The following SCRN3 variants were observed in gnomAD, a reference collection of about 807,000 sequenced individuals.
The protein encoded by SCRN3 is secernin 3, also known as secernin-3.
SCRN3 carries 39 observed loss-of-function variants against 43.1 expected under a neutral mutation model. That is an observed-to-expected ratio of 0.91 (90% CI 0.70 to 1.18). The LOEUF (loss-of-function observed/expected upper bound fraction) is 1.18. SCRN3 is among the 50% of genes most tolerant of loss of function. The pLI is 0.00. For synonymous variants in SCRN3, 147 were observed against 163.1 expected (o/e 0.90, Z 0.75); for missense variants, 484 against 498.0 (o/e 0.97, Z 0.27).
rs73975121 is a variant in SCRN3 at position 174,397,026 on chromosome 2, A to G, written c.-10+1209A>G. 2,092 of 953,776 alleles carry G rather than the reference A, an allele frequency of 2.2e-3. 43 individuals carry two copies. The African/African-American group carries it at 0.034, about 16-fold the overall frequency. The allele number at this position is 953,776 out of a possible 1,614,324, so 59.1% of individuals were successfully genotyped here. On this transcript the variant is annotated intron_variant, in intron 1 of 7. Coordinates refer to ENST00000272732, the MANE Select transcript of SCRN3 (RefSeq NM_024583.5). ...AGATTAAATAGTCTGCCAAAGTTAT[A>G]TAGTGATAGAACTAACTATAAAACA...
rs539639008 is a variant in SCRN3 at position 174,425,826 on chromosome 2, A to G, written c.1092+1177A>G. ...CTGGGTTCTGGTCCTGGCTCTGTAA[A>G]TAACTACTTTTGTGTGTTAGGGAGA... On this transcript the variant is annotated intron_variant, in intron 7 of 7. Transcript: ENST00000272732. Among the ~76,000 whole-genome samples the G allele has an allele frequency of 5.9e-5, 9 of 152,280 alleles. No individual in the cohort carries two copies. The South Asian group carries it at 1.9e-3, about 32-fold the overall frequency.
rs1686585533 is a variant in SCRN3 at position 174,429,298 on chromosome 2, C to T, written c.*1403C>T. 6.6e-6 allele frequency: 1 copy of T among 152,132 alleles called. No homozygotes were observed. The highest frequency in any genetic ancestry group is 6.6e-5 in the Admixed American group (1 of 15,262). The allele number at this position is 152,132 out of a possible 1,614,324, so 9.4% of individuals were successfully genotyped here. A position where few individuals can be genotyped will look rare whatever the true frequency, so the allele number is the denominator to read the frequency against. ...ATGTTTTCACCTTCTCCTTTGCTGC[C>T]ACCTTGGCCTAAACTAGCACCGTCT... On this transcript the variant is annotated 3_prime_UTR_variant, in exon 8 of 8. Coordinates refer to ENST00000272732, the MANE Select transcript of SCRN3 (RefSeq NM_024583.5).
At chr2:174,420,291 C>T (rs1361114413) in intron 5 of SCRN3, among the ~76,000 whole-genome samples, 1 of 152,070 alleles carries the variant, frequency 6.6e-6, no homozygotes, top group African/African-American at 2.4e-5. Context: ...AAATGCTACT[C>T]CTTAGGAAGA....
At chr2:174,401,242 C>G in intron 4 of SCRN3, 53 bp downstream of exon 4, 2 of 1,349,994 alleles carry the variant, frequency 1.5e-6, no homozygotes, top group Non-Finnish European at 2.1e-6. Flanking sequence ...TAAAATACAC[C>G]CTTACCTATA....
rs1157456541 is a variant in SCRN3, at chr2:174,404,725, C to T, written c.754+410C>T. Among the ~76,000 whole-genome samples the T allele has an allele frequency of 5.5e-3, 675 of 122,768 alleles. 2 individuals carry two copies. The highest frequency in any genetic ancestry group is 0.02 in the African/African-American group (642 of 32,710). 80.5% of individuals were successfully genotyped at this position (122,768 alleles called of 152,430 possible). A position where few individuals can be genotyped will look rare whatever the true frequency, so the allele number is the denominator to read the frequency against. On this transcript the variant is annotated intron_variant, in intron 5 of 7. Coordinates refer to ENST00000272732, the MANE Select transcript of SCRN3 (RefSeq NM_024583.5). ...TGCGGTGTTTGGTTTTTTGTTCTTG[C>T]GATAGTTTACTGAGAATGATGATTT...
chr2:174,400,020 T>C lies in SCRN3; in HGVS notation c.258T>C (p.His86=). The change falls in exon 3 of 8, where the codon CAT becomes CAC. Residue 86 remains histidine, a synonymous_variant. Coordinates refer to ENST00000272732, the MANE Select transcript of SCRN3 (RefSeq NM_024583.5). ...GGGCAGAAATGGGAGCCAATGAGCA[T>C]GGAGTTTGCATTGGGAATGAAGCTG... The part of the protein sequence containing the change: ...LWGAEMGANE[H]GVCIGNEAVW... 1 of 1,601,238 alleles carries C rather than the reference T, an allele frequency of 6.2e-7. No individual in the cohort carries two copies. Among genetic ancestry groups the C allele is most frequent in the Non-Finnish European group, 8.5e-7 (1 of 1,175,072 alleles).
At chr2:174,427,575 G>C (rs147309323) in intron 7 of SCRN3, 138 bp from the exon 8 acceptor site, 199 of 446,888 alleles carry the variant, frequency 4.5e-4, no homozygotes, top group African/African-American at 3.6e-3. Flanking sequence ...CATTCTTTCT[G>C]TCTCTAAAGA....
chr2:174,403,977 C>G (rs1369895857), intron 4 of SCRN3, 126 bp from the exon 5 acceptor site: 2 of 631,792 alleles, frequency 3.2e-6, no homozygotes, highest in Non-Finnish European at 5.4e-6. Flanking sequence ...AATAGATGCC[C>G]ATGGCACAAA....
chr2:174,404,141 A>G lies in SCRN3; in HGVS notation c.580A>G (p.Thr194Ala). 6.2e-7 allele frequency: 1 copy of G among 1,613,760 alleles called. No homozygotes were observed. Among genetic ancestry groups the G allele is most frequent in the Non-Finnish European group, 8.5e-7 (1 of 1,179,802 alleles). Reference sequence around the variant, plus strand: ...TATTTCTAATCAACTTTCCATAACAACCAAGATTGCCCGGGAACACCCAGA... The same window carrying G: ...TATTTCTAATCAACTTTCCATAACAGCCAAGATTGCCCGGGAACACCCAGA... ...RNISNQLSITTKIAREHPDMR... is the reference protein window; with the variant it reads ...RNISNQLSITAKIAREHPDMR... Residue 194 changes from threonine (T) to alanine (A), a missense_variant, in exon 5 of 8, where the codon ACC becomes GCC. Transcript: ENST00000272732.
In SCRN3 at chr2:174,412,568, T is replaced by G. The variant is rs1685958345; in HGVS notation, c.754+8253T>G. Among the ~76,000 whole-genome samples, 2 of 152,182 alleles carry G rather than the reference T, an allele frequency of 1.3e-5. 1 individual carries two copies. Among genetic ancestry groups the G allele is most frequent in the Non-Finnish European group, 2.9e-5 (2 of 68,040 alleles). The stretch of plus-strand genomic sequence containing the variant: ...GCTTTTTGCCCTCTCTCTGTTTTCC[T>G]GCCTCTTGGCTTCAGAGGCAGACCC... On this transcript the variant is annotated intron_variant, in intron 5 of 7. Coordinates refer to ENST00000272732, the MANE Select transcript of SCRN3 (RefSeq NM_024583.5).
In SCRN3 at chr2:174,428,876, T is replaced by C. The variant is rs936745156; in HGVS notation, c.*981T>C. ...ATTGCAAATATAAACAAAAGAAAAA[T>C]CCAACTGAAAATAACACTAAGTATT... is the stretch of plus-strand genomic sequence containing the variant. On this transcript the variant is annotated 3_prime_UTR_variant, in exon 8 of 8. Transcript: ENST00000272732. The C allele has an allele frequency of 1.9e-4, 29 of 151,996 alleles. No individual in the cohort carries two copies. Among genetic ancestry groups the C allele is most frequent in the African/African-American group, 7.0e-4 (29 of 41,380 alleles). The allele number at this position is 151,996 out of a possible 1,614,324, so 9.4% of individuals were successfully genotyped here.
At chr2:174,426,262 A>G (rs1363765573) in intron 7 of SCRN3, among the ~76,000 whole-genome samples, 2 of 152,178 alleles carry the variant, frequency 1.3e-5, no homozygotes, top group Non-Finnish European at 2.9e-5. Flanking sequence ...TCTGGAATTT[A>G]CTTTTGTGTA....
At chr2:174,413,691 A>G (rs1686009230) in intron 5 of SCRN3, among the ~76,000 whole-genome samples, 1 of 149,950 alleles carries the variant, frequency 6.7e-6, no homozygotes, top group Non-Finnish European at 1.5e-5. Flanking sequence ...CCCGGGTTCA[A>G]GCAATTCTCT....
Position 174,429,117 on chromosome 2 carries a change from C to T in SCRN3, c.*1222C>T, listed in dbSNP as rs1335896473. The stretch of plus-strand genomic sequence containing the variant: ...ATTACAAAAGAAAAGATGTCTGACT[C>T]AAGAACTCAGTTGATTCTGTTTGCC... On this transcript the variant is annotated 3_prime_UTR_variant, in exon 8 of 8. Transcript: ENST00000272732. 6.6e-6 allele frequency: 1 copy of T among 152,214 alleles called. No individual in the cohort carries two copies. Among genetic ancestry groups the T allele is most frequent in the Non-Finnish European group, 1.5e-5 (1 of 68,050 alleles). 9.4% of individuals were successfully genotyped at this position (152,214 alleles called of 1,614,324 possible). A position where few individuals can be genotyped will look rare whatever the true frequency, so the allele number is the denominator to read the frequency against.
At chr2:174,397,865 A>G (rs944832218) in intron 1 of SCRN3, among the ~76,000 whole-genome samples, 6 of 152,364 alleles carry the variant, frequency 3.9e-5, no homozygotes, top group African/African-American at 1.4e-4. Context: ...TATACAGTAG[A>G]AGAAGGTAGT....
At chr2:174,395,890 A>G in intron 1 of SCRN3, 73 bp downstream of exon 1, 11 of 1,437,530 alleles carry the variant, frequency 7.7e-6, no homozygotes, top group African/African-American at 1.4e-5. Context: ...GTGGCGCGGC[A>G]CTGCTTGACC....
intron 7 of SCRN3, among the ~76,000 whole-genome samples, chr2:174,425,593 T>C (rs1574675340): frequency 6.6e-6 from 1 of 152,196 alleles, no homozygotes; most frequent in Non-Finnish European, 1.5e-5. Flanking sequence ...TGCCTTTTTT[T>C]CTCTCACCTA....
intron 4 of SCRN3, among the ~76,000 whole-genome samples, chr2:174,403,620 C>T (rs1011386428): frequency 6.6e-6 from 1 of 152,028 alleles, no homozygotes; most frequent in Non-Finnish European, 1.5e-5. Context: ...CATATTATTC[C>T]ATTTATATAA....
intron 7 of SCRN3, among the ~76,000 whole-genome samples, chr2:174,425,608 AC>A (rs1686454539): frequency 6.6e-6 from 1 of 151,894 alleles, no homozygotes; most frequent in African/African-American, 2.4e-5. Context: ...CACCTATTTC[AC>A]TTATGCTCAA....
Sources: allele counts gnomAD v4.1 joint callset (sites outside exome capture counted in the v4.1 genomes callset), GRCh38; gene constraint gnomAD v4.1.1; transcripts MANE v1.5; gene names NCBI Gene and HGNC (gene_info 2026-07-23, HGNC 2026-07-21).